The following LYPLA2 variants were observed in gnomAD, a reference collection of about 807,000 sequenced individuals.
LYPLA2 encodes the protein acyl-protein thioesterase 2.
Under a neutral mutation model 30.3 loss-of-function variants are expected in LYPLA2, and 7 were observed. That is an observed-to-expected ratio of 0.23 (90% CI 0.13 to 0.43). The LOEUF is 0.43. LYPLA2 is among the 20% of genes least tolerant of loss of function. LYPLA2 has a pLI of 1.00. For synonymous variants in LYPLA2, 112 were observed against 118.2 expected, an observed-to-expected ratio of 0.95 and a Z score of 0.34; for missense variants, 206 against 307.9, an observed-to-expected ratio of 0.67 and a Z score of 2.48.
Position 23,793,625 on chromosome 1 carries a change from CG to C in LYPLA2, c.177-79del. The C allele has an allele frequency of 6.9e-7, 1 of 1,440,194 alleles. No homozygotes were observed. Among genetic ancestry groups the C allele is most frequent in the Middle Eastern group, 1.8e-4 (1 of 5,464 alleles). The allele number at this position is 1,440,194 out of a possible 1,614,324, so 89.2% of individuals were successfully genotyped here. A position where few individuals can be genotyped will look rare whatever the true frequency, so the allele number is the denominator to read the frequency against. ...TGCTGGGAGGGGCCACCAGGGGCGG[CG>C]CGGCCCCACTCCGGGCTCTGAGCTC... On this transcript the variant is annotated intron_variant, in intron 4 of 9. Coordinates refer to ENST00000374514, the MANE Select transcript of LYPLA2 (RefSeq NM_007260.3). This position sits in a 1 kb window ranked among gnomAD's most constrained non-coding sequence, Gnocchi z 6.0.
Position 23,793,185 on chromosome 1 carries a change from C to T in LYPLA2, c.145C>T (p.Leu49Phe). The T allele has an allele frequency of 6.2e-7, 1 of 1,614,002 alleles. No homozygotes were observed. The highest frequency in any genetic ancestry group is 8.5e-7 in the Non-Finnish European group (1 of 1,179,944). ...SWADALSTIR[L>F]PHVKYICPHA... Reference sequence around the variant, plus strand: ...GGCTGACGCCCTCTCCACCATCCGGCTCCCTCACGTCAAGTACATCTGTCC... The same window carrying T: ...GGCTGACGCCCTCTCCACCATCCGGTTCCCTCACGTCAAGTACATCTGTCC... Residue 49 changes from leucine to phenylalanine, a missense_variant, in exon 4 of 10, where the codon CTC becomes TTC. Transcript: ENST00000374514. The surrounding 1 kb of genome is among the most constrained non-coding windows in gnomAD (Gnocchi z 6.0).
At chr1:23,792,830 G>A in intron 2 of LYPLA2, 70 bp downstream of exon 2, 1 of 1,426,244 alleles carries the variant, frequency 7.0e-7, no homozygotes, top group Non-Finnish European at 9.9e-7. Context: ...AGGGGGTGTG[G>A]GAAAATGGAG....
chr1:23,792,777 A>G lies in LYPLA2; in HGVS notation c.78+17A>G, dbSNP rs761369578. ...ACGGCCGCGGTAAGGGTCCCCTTTC[A>G]CCCACGGCCAGACACTGTGGGAGCA... On this transcript the variant is annotated intron_variant, in intron 2 of 9. Transcript: ENST00000374514. 6 of 1,603,400 alleles carry G rather than the reference A, an allele frequency of 3.7e-6. No individual in the cohort carries two copies. In the South Asian group the frequency reaches 5.5e-5, roughly 15 times the overall value.
rs763759552 is a variant in LYPLA2, at chr1:23,793,780, G to A, written c.224+28G>A. On this transcript the variant is annotated intron_variant, in intron 5 of 9. Coordinates refer to ENST00000374514, the MANE Select transcript of LYPLA2 (RefSeq NM_007260.3). This position sits in a 1 kb window ranked among gnomAD's most constrained non-coding sequence, Gnocchi z 6.0. ...GAGTTTGGGAGTGGGGGTGGGCAGG[G>A]GGACGAGGACACTTGGGCTGAGGGA... The A allele has an allele frequency of 1.4e-5, 22 of 1,613,684 alleles. No individual in the cohort carries two copies.
rs1178109137 is a variant in LYPLA2 at position 23,792,665 on chromosome 1, C to T, written c.-18C>T. ...CGCCCCGATGTATGCAGGCCCCCGC[C>T]GTGGAGCCGTGTGGTGTATGTGTGG... On this transcript the variant is annotated 5_prime_UTR_variant, in exon 2 of 10. Transcript: ENST00000374514. 9.9e-6 allele frequency: 16 copies of T among 1,610,084 alleles called. No individual in the cohort carries two copies. Among genetic ancestry groups the T allele is most frequent in the South Asian group, 6.6e-5 (6 of 90,958 alleles).
chr1:23,794,068 G>C lies in LYPLA2; in HGVS notation c.301G>C (p.Ala101Pro). Residue 101 changes from alanine to proline, a missense_variant, in exon 7 of 10, where the codon GCC becomes CCC. By Grantham distance (27) the Ala-to-Pro change is conservative (BLOSUM62 -1). Transcript: ENST00000374514. This position sits in a 1 kb window ranked among gnomAD's most constrained non-coding sequence, Gnocchi z 5.9. ...GIKKAAENIK[A>P]LIEHEMKNGI... Reference sequence around the variant, plus strand: ...ACTCATGCCCCCTCCCCCAGTCAAGGCCTTGATTGAGCATGAAATGAAGAA... The same window carrying C: ...ACTCATGCCCCCTCCCCCAGTCAAGCCCTTGATTGAGCATGAAATGAAGAA... 1.2e-6 allele frequency: 2 copies of C among 1,612,754 alleles called. No individual in the cohort carries two copies. Among genetic ancestry groups the C allele is most frequent in the Non-Finnish European group, 1.7e-6 (2 of 1,179,570 alleles).
rs773284290 is a variant in LYPLA2, at chr1:23,794,739, G to A, written c.*7G>A. On this transcript the variant is annotated 3_prime_UTR_variant, in exon 10 of 10. Transcript: ENST00000374514. This position sits in a 1 kb window ranked among gnomAD's most constrained non-coding sequence, Gnocchi z 5.9. Reference sequence around the variant, plus strand: ...GCTGCTGCCTCCTGTCTAACTAGTCGCTGGCCCCAGTGCAGTACCCCAGCT... The same window carrying A: ...GCTGCTGCCTCCTGTCTAACTAGTCACTGGCCCCAGTGCAGTACCCCAGCT... 1.3e-5 allele frequency: 21 copies of A among 1,613,872 alleles called. No individual in the cohort carries two copies. Among genetic ancestry groups the A allele is most frequent in the South Asian group, 1.1e-4 (10 of 91,070 alleles).
At position 23,794,834 on chromosome 1, in the gene LYPLA2, T is replaced by C. The variant is rs1638896777; in HGVS notation, c.*102T>C. ...GCCGGTCGAGCCCCTGTCCCCACCC[T>C]TCCTGACCTGTCCTTTTCCCACAGG... On this transcript the variant is annotated 3_prime_UTR_variant, in exon 10 of 10. Coordinates refer to ENST00000374514, the MANE Select transcript of LYPLA2 (RefSeq NM_007260.3). The surrounding 1 kb of genome is among the most constrained non-coding windows in gnomAD (Gnocchi z 5.9). The C allele has an allele frequency of 7.4e-7, 1 of 1,350,138 alleles. No homozygotes were observed. Among genetic ancestry groups the C allele is most frequent in the Admixed American group, 1.9e-5 (1 of 52,632 alleles). 83.6% of individuals were successfully genotyped at this position (1,350,138 alleles called of 1,614,324 possible). A position where few individuals can be genotyped will look rare whatever the true frequency, so the allele number is the denominator to read the frequency against.
At chr1:23,791,676 C>T (rs1638796004) in intron 1 of LYPLA2, among the ~76,000 whole-genome samples, 1 of 151,946 alleles carries the variant, frequency 6.6e-6, no homozygotes, top group Admixed American at 6.6e-5. Context: ...GGAAGGCACC[C>T]CTCCGAGGAG....
rs1434772354 is a variant in LYPLA2, at chr1:23,794,621, C to T, written c.645+21C>T. On this transcript the variant is annotated intron_variant, in intron 9 of 9. Coordinates refer to ENST00000374514, the MANE Select transcript of LYPLA2 (RefSeq NM_007260.3). The surrounding 1 kb of genome is among the most constrained non-coding windows in gnomAD (Gnocchi z 5.9). ...CTCAGGTCAGTGGGGGGACCATTTC[C>T]CACTCCCACTTCTCTGCCTCCAGCC... 1.9e-6 allele frequency: 3 copies of T among 1,613,990 alleles called. No individual in the cohort carries two copies. Among genetic ancestry groups the T allele is most frequent in the Non-Finnish European group, 2.5e-6 (3 of 1,179,974 alleles).
At position 23,794,178 on chromosome 1, in the gene LYPLA2, G is replaced by A. The variant is rs373850330; in HGVS notation, c.369+42G>A. ...GGGGGGGTAGGGGGTAGGGGTGGCC[G>A]GTGAGTGAGCTGTGCCCTCATGACC... On this transcript the variant is annotated intron_variant, in intron 7 of 9. Transcript: ENST00000374514. This position sits in a 1 kb window ranked among gnomAD's most constrained non-coding sequence, Gnocchi z 5.9. 2.2e-4 allele frequency: 339 copies of A among 1,565,806 alleles called. No homozygotes were observed. Among genetic ancestry groups the A allele is most frequent in the Non-Finnish European group, 2.7e-4 (311 of 1,148,958 alleles).
In LYPLA2 at chr1:23,794,362, T is replaced by C; in HGVS notation, c.471+37T>C. 2 of 1,575,450 alleles carry C rather than the reference T, an allele frequency of 1.3e-6. No homozygotes were observed. The highest frequency in any genetic ancestry group is 1.1e-5 in the South Asian group (1 of 90,122). Reference sequence around the variant, plus strand: ...CACTGACCCCCCCGCCCTTTGTGTCTGCATCCTCGTGGCTTGGGGACTGCT... The same window carrying C: ...CACTGACCCCCCCGCCCTTTGTGTCCGCATCCTCGTGGCTTGGGGACTGCT... On this transcript the variant is annotated intron_variant, in intron 8 of 9. Transcript: ENST00000374514. This position sits in a 1 kb window ranked among gnomAD's most constrained non-coding sequence, Gnocchi z 5.9.
In LYPLA2 at chr1:23,793,350, A is replaced by G; in HGVS notation, c.176+134A>G. On this transcript the variant is annotated intron_variant, in intron 4 of 9. Coordinates refer to ENST00000374514, the MANE Select transcript of LYPLA2 (RefSeq NM_007260.3). This position sits in a 1 kb window ranked among gnomAD's most constrained non-coding sequence, Gnocchi z 6.0. Reference sequence around the variant, plus strand: ...CAGGGCAGTCAGAAGTGGCATTTTCAGCCTGAGCTCCTGTGGAGCCCCCAG... The same window carrying G: ...CAGGGCAGTCAGAAGTGGCATTTTCGGCCTGAGCTCCTGTGGAGCCCCCAG... The G allele has an allele frequency of 1.1e-6, 1 of 927,326 alleles. No individual in the cohort carries two copies. The highest frequency in any genetic ancestry group is 1.5e-5 in the South Asian group (1 of 67,986). The allele number at this position is 927,326 out of a possible 1,614,324, so 57.4% of individuals were successfully genotyped here.
Position 23,794,032 on chromosome 1 carries a change from TC to T in LYPLA2, c.296-28del. ...TCCCTTATTGGGCCCCTTGGCAGCT[TC>T]CCTCTACCCACTCATGCCCCCTCCC... On this transcript the variant is annotated intron_variant, in intron 6 of 9. Transcript: ENST00000374514. This position sits in a 1 kb window ranked among gnomAD's most constrained non-coding sequence, Gnocchi z 5.9. 6.2e-7 allele frequency: 1 copy of T among 1,607,294 alleles called. No individual in the cohort carries two copies. Among genetic ancestry groups the T allele is most frequent in the South Asian group, 1.1e-5 (1 of 90,940 alleles).
rs748614062 is a variant in LYPLA2 at position 23,793,745 on chromosome 1, C to G, written c.217C>G (p.Pro73Ala). ...GACCCTCAACATGAAGATGGTGATG[C>G]CCTCCTGGTGAGTTTGGGAGTGGGG... is the stretch of plus-strand genomic sequence containing the variant. ...PVTLNMKMVM[P>A]SWFDLMGLSP... The change falls in exon 5 of 10, where the codon CCC (proline) becomes GCC (alanine). Residue 73 changes from proline to alanine, a missense_variant. Physicochemically the swap from Pro to Ala is conservative, Grantham distance 27. Transcript: ENST00000374514. This position sits in a 1 kb window ranked among gnomAD's most constrained non-coding sequence, Gnocchi z 6.0. 2.2e-5 allele frequency: 36 copies of G among 1,614,070 alleles called. No homozygotes were observed. Among genetic ancestry groups the G allele is most frequent in the Non-Finnish European group, 1.4e-5 (17 of 1,179,958 alleles).
chr1:23,791,537 TG>T (rs2148404865), intron 1 of LYPLA2, among the ~76,000 whole-genome samples: 2 of 152,162 alleles, frequency 1.3e-5, no homozygotes, highest in East Asian at 3.9e-4. Context: ...GTGGGAGTCC[TG>T]GGTCAGGGTA....
At chr1:23,792,495 G>A (rs576811704) in intron 1 of LYPLA2, 162 bp from the exon 2 acceptor site, 1 of 603,712 alleles carries the variant, frequency 1.7e-6, no homozygotes, top group East Asian at 2.8e-5. Context: ...CTGGAACTGA[G>A]GCAGACTTCT....
At chr1:23,792,569 G>C (rs1570620828) in intron 1 of LYPLA2, 88 bp from the exon 2 acceptor site, 1 of 772,388 alleles carries the variant, frequency 1.3e-6, no homozygotes. Flanking sequence ...CCTGGGTGCT[G>C]TGTGGGGCTG....
Position 23,794,505 on chromosome 1 carries a change from G to A in LYPLA2, c.550G>A (p.Gly184Arg), listed in dbSNP as rs1370787740. 1.9e-6 allele frequency: 3 copies of A among 1,613,980 alleles called. No homozygotes were observed. Among genetic ancestry groups the A allele is most frequent in the Non-Finnish European group, 2.5e-6 (3 of 1,179,996 alleles). The change falls in exon 9 of 10, where the codon GGG (glycine) becomes AGG (arginine). Residue 184 changes from glycine to arginine, a missense_variant. Physicochemically the swap from Gly to Arg is moderately radical, Grantham distance 125. Coordinates refer to ENST00000374514, the MANE Select transcript of LYPLA2 (RefSeq NM_007260.3). This position sits in a 1 kb window ranked among gnomAD's most constrained non-coding sequence, Gnocchi z 5.9. Reference sequence around the variant, plus strand: ...GGACCCCATGGTGCCCGTACGGTTTGGGGCCCTGACGGCTGAGAAGCTCCG... The same window carrying A: ...GGACCCCATGGTGCCCGTACGGTTTAGGGCCCTGACGGCTGAGAAGCTCCG... ...ELDPMVPVRF[G>R]ALTAEKLRSV...
Sources: allele counts gnomAD v4.1 joint callset (sites outside exome capture counted in the v4.1 genomes callset), GRCh38; gene constraint gnomAD v4.1.1; non-coding constraint Gnocchi (gnomAD v3.1); transcripts MANE v1.5; gene names NCBI Gene and HGNC (gene_info 2026-07-23, HGNC 2026-07-21).